PPFIBP2: variants seen among roughly 807,000 people sequenced by gnomAD.
PPFIBP2 encodes PPFIB scaffold protein 2.
Under a neutral mutation model 118.3 loss-of-function variants are expected in PPFIBP2, and 118 were observed. That is an observed-to-expected ratio of 1.00 (90% CI 0.86 to 1.16). PPFIBP2 has a LOEUF of 1.16. PPFIBP2 is among the 50% of genes most tolerant of loss of function. The pLI is 0.00. For synonymous variants in PPFIBP2, 414 were observed against 397.4 expected (o/e 1.04, Z -0.50); for missense variants, 1,195 against 1,073.1 (o/e 1.11, Z -1.59).
At chr11:7,635,494 G>C in intron 13 of PPFIBP2, 58 bp from the exon 14 acceptor site, 1 of 1,522,056 alleles carries the variant, frequency 6.6e-7, no homozygotes, top group Non-Finnish European at 9.1e-7. Flanking sequence ...GTTGCTGTTT[G>C]TGAATAACAC....
chr11:7,626,896 G>A (rs1254734367), intron 8 of PPFIBP2, among the ~76,000 whole-genome samples: 1 of 152,232 alleles, frequency 6.6e-6, no homozygotes, highest in Non-Finnish European at 1.5e-5. Context: ...CAATGGCTTA[G>A]GCTGGAGAAG....
chr11:7,643,025 G>A (rs1852439717), intron 17 of PPFIBP2, among the ~76,000 whole-genome samples: 2 of 152,128 alleles, frequency 1.3e-5, no homozygotes, highest in South Asian at 4.2e-4. Context: ...AGTATCCCCA[G>A]ACTCCAGGAA....
intron 1 of PPFIBP2, among the ~76,000 whole-genome samples, chr11:7,530,385 T>A (rs1269247778): frequency 6.6e-6 from 1 of 152,222 alleles, no homozygotes; most frequent in African/African-American, 2.4e-5. Context: ...TGTTTATGTC[T>A]CCTAAAAATT....
chr11:7,605,515 C>A (rs547690423), intron 5 of PPFIBP2, among the ~76,000 whole-genome samples: 1 of 152,280 alleles, frequency 6.6e-6, no homozygotes, highest in African/African-American at 2.4e-5. Context: ...AATTGCCTTT[C>A]ACTAGCAATT....
intron 5 of PPFIBP2, among the ~76,000 whole-genome samples, chr11:7,608,170 TG>T (rs1441312211): frequency 6.6e-6 from 1 of 152,248 alleles, no homozygotes; most frequent in Non-Finnish European, 1.5e-5. Flanking sequence ...ATGTGCTCAA[TG>T]AAATCTTGGC....
At chr11:7,620,274 C>T (rs1470028561) in intron 6 of PPFIBP2, among the ~76,000 whole-genome samples, 1 of 152,146 alleles carries the variant, frequency 6.6e-6, no homozygotes, top group Admixed American at 6.5e-5. Flanking sequence ...ACTTCCCAGC[C>T]TCATCTTCCA....
intron 1 of PPFIBP2, among the ~76,000 whole-genome samples, chr11:7,532,046 T>A (rs559862049): frequency 1.1e-4 from 17 of 152,284 alleles, no homozygotes; most frequent in African/African-American, 4.1e-4. Context: ...TTCACCATGT[T>A]GTCCAGGCTG....
intron 3 of PPFIBP2, among the ~76,000 whole-genome samples, chr11:7,589,996 T>C (rs866414676): frequency 2.0e-5 from 3 of 152,346 alleles, no homozygotes; most frequent in Middle Eastern, 6.8e-3. Context: ...TATTATGCCT[T>C]GATGATGTAG....
intron 1 of PPFIBP2, among the ~76,000 whole-genome samples, chr11:7,532,898 G>C (rs1388556212): frequency 6.6e-6 from 1 of 152,238 alleles, no homozygotes; most frequent in Non-Finnish European, 1.5e-5. Flanking sequence ...AATTCAATTA[G>C]TGTTTACCTC....
chr11:7,560,365 G>A (rs1369023684), intron 2 of PPFIBP2, among the ~76,000 whole-genome samples: 1 of 152,096 alleles, frequency 6.6e-6, no homozygotes, highest in East Asian at 1.9e-4. Context: ...TGTTATAAAA[G>A]TAATGAAAAT....
intron 11 of PPFIBP2, 79 bp downstream of exon 11, chr11:7,631,107 G>GAC (rs5789532): frequency 0.021 from 22,237 of 1,044,866 alleles, 1,431 homozygotes; most frequent in African/African-American, 0.19. Flanking sequence ...GATCTAGTCA[G>GAC]ACACGTGTCA....
intron 3 of PPFIBP2, among the ~76,000 whole-genome samples, chr11:7,580,850 A>G (rs1327369766): frequency 2.0e-5 from 3 of 152,224 alleles, no homozygotes; most frequent in Non-Finnish European, 4.4e-5. Flanking sequence ...GCTTGCTATT[A>G]ACTGCTATTG....
chr11:7,569,863 T>G (rs957063085), intron 3 of PPFIBP2, among the ~76,000 whole-genome samples: 1 of 152,118 alleles, frequency 6.6e-6, no homozygotes, highest in African/African-American at 2.4e-5. Flanking sequence ...CCTTCTCTGT[T>G]TACTATGGTG....
At chr11:7,645,562 G>T (rs1054466128) in intron 17 of PPFIBP2, among the ~76,000 whole-genome samples, 1 of 152,198 alleles carries the variant, frequency 6.6e-6, no homozygotes, top group African/African-American at 2.4e-5. Context: ...AGCGTGTTCA[G>T]TGGTGCCCTG....
chr11:7,517,887 G>C (rs543960145), intron 1 of PPFIBP2, among the ~76,000 whole-genome samples: 2 of 152,202 alleles, frequency 1.3e-5, no homozygotes, highest in African/African-American at 2.4e-5. Context: ...GATGGGGGGC[G>C]GTCCCTGCAG....
At chr11:7,666,679 C>G in the PPFIBP2 span, 1 of 603,614 alleles carries the variant, frequency 1.7e-6, no homozygotes, top group East Asian at 2.9e-5. Context: ...CTGCCAACTC[C>G]CACGGCAAAC....
intron 5 of PPFIBP2, among the ~76,000 whole-genome samples, chr11:7,609,169 C>T (rs1029764128): frequency 6.6e-6 from 1 of 152,230 alleles, no homozygotes; most frequent in Non-Finnish European, 1.5e-5. Flanking sequence ...TGGTTTGATT[C>T]ATAATCTGAG....
chr11:7,542,592 T>C (rs1445299119), intron 1 of PPFIBP2, among the ~76,000 whole-genome samples: 2 of 152,224 alleles, frequency 1.3e-5, no homozygotes, highest in Non-Finnish European at 2.9e-5. Flanking sequence ...TGCTTTATTA[T>C]TTTCCCCCCA....
intron 6 of PPFIBP2, among the ~76,000 whole-genome samples, chr11:7,613,511 A>G (rs1235561953): frequency 4.6e-5 from 7 of 152,198 alleles, no homozygotes; most frequent in South Asian, 4.1e-4. Context: ...GCCTTTTGCA[A>G]TGATTCAGGG....
Sources: gnomAD v4.1 joint callset for allele counts (sites outside exome capture counted in the v4.1 genomes callset) on GRCh38, gnomAD v4.1.1 for gene constraint, MANE v1.5 for transcripts, NCBI Gene and HGNC (gene_info 2026-07-23, HGNC 2026-07-21) for gene names.